Variants in ZNF267 observed in about 807,000 individuals in gnomAD.
ZNF267 encodes the protein zinc finger protein 267.
A neutral mutation model predicts 71.6 loss-of-function variants in ZNF267; 61 were observed. The observed-to-expected ratio is 0.85, with a 90% CI of 0.69 to 1.05. ZNF267 has a LOEUF of 1.05. ZNF267 is among the 50% of genes least tolerant of loss of function. The pLI is 0.00. For missense variants in ZNF267, 852 were observed against 870.0 expected (o/e 0.98, Z 0.26); for synonymous variants, 288 against 293.2 (o/e 0.98, Z 0.18).
intron 3 of ZNF267, chr16:31,894,578 C>A: frequency 2.0e-6 from 1 of 494,556 alleles, no homozygotes; most frequent in Non-Finnish European, 4.0e-6. Context: ...ACCTTTTCAT[C>A]CAGAGCTTTG....
At chr16:31,881,237 G>A (rs769861096) in intron 1 of ZNF267, among the ~76,000 whole-genome samples, 1 of 152,174 alleles carries the variant, frequency 6.6e-6, no homozygotes, top group Non-Finnish European at 1.5e-5. Flanking sequence ...TCAAGTTCTT[G>A]TTGGTCAGGC....
intron 3 of ZNF267, among the ~76,000 whole-genome samples, chr16:31,887,567 G>A (rs551794654): frequency 2.7e-4 from 41 of 152,154 alleles, no homozygotes; most frequent in Admixed American, 1.4e-3. Flanking sequence ...GTTAATTTTT[G>A]TACATAGTAT....
chr16:31,885,295 G>A, intron 3 of ZNF267, 39 bp downstream of exon 3: 1 of 1,559,414 alleles, frequency 6.4e-7, no homozygotes. Flanking sequence ...ATGGGCGAGA[G>A]GTCCAGAAGT....
At chr16:31,893,938 G>A (rs1042754859) in intron 3 of ZNF267, among the ~76,000 whole-genome samples, 1 of 152,212 alleles carries the variant, frequency 6.6e-6, no homozygotes, top group Non-Finnish European at 1.5e-5. Flanking sequence ...ACTTAGGTGG[G>A]TATAAGTTGT....
chr16:31,876,024 C>G (rs1213517023), intron 1 of ZNF267, among the ~76,000 whole-genome samples: 1 of 151,936 alleles, frequency 6.6e-6, no homozygotes, highest in Admixed American at 6.6e-5. Context: ...GAAATGCTGC[C>G]AGGGAAAAGA....
chr16:31,906,848 A>C (rs1206266318), intron 3 of ZNF267, among the ~76,000 whole-genome samples: 1 of 151,856 alleles, frequency 6.6e-6, no homozygotes, highest in Non-Finnish European at 1.5e-5. Flanking sequence ...AAATGCAGAA[A>C]TCACCCGTCT....
At chr16:31,905,324 T>C (rs2084079451) in intron 3 of ZNF267, among the ~76,000 whole-genome samples, 1 of 151,878 alleles carries the variant, frequency 6.6e-6, no homozygotes, top group Admixed American at 6.5e-5. Flanking sequence ...TGAATTTGAA[T>C]GTTTGCCTGC....
In ZNF267 at chr16:31,916,606, C is replaced by A; in HGVS notation, c.*125C>A. ...GGCATAACCTTTAACTATTTTCAAG[C>A]CTTACACAATAGCAGAGAATATAAA... On this transcript the variant is annotated 3_prime_UTR_variant, in exon 4 of 4. Coordinates refer to ENST00000300870, the MANE Select transcript of ZNF267 (RefSeq NM_003414.6). The A allele has an allele frequency of 1.0e-6, 1 of 963,120 alleles. No homozygotes were observed. Among genetic ancestry groups the A allele is most frequent in the Non-Finnish European group, 1.5e-6 (1 of 665,520 alleles). The allele number at this position is 963,120 out of a possible 1,614,324, so 59.7% of individuals were successfully genotyped here.
chr16:31,875,445 C>T (rs1163176363), intron 1 of ZNF267: 2 of 684,280 alleles, frequency 2.9e-6, no homozygotes, highest in Admixed American at 3.9e-5. Flanking sequence ...CCCTTGGAGA[C>T]ACATTGCTGG....
In ZNF267 at chr16:31,914,688, T is replaced by G; in HGVS notation, c.439T>G (p.Leu147Val). 6.2e-7 allele frequency: 1 copy of G among 1,614,176 alleles called. No individual in the cohort carries two copies. The highest frequency in any genetic ancestry group is 8.5e-7 in the Non-Finnish European group (1 of 1,180,010). The change falls in exon 4 of 4, where the codon TTG (leucine) becomes GTG (valine). Residue 147 changes from leucine (L) to valine (V), a missense_variant. Leu to Val is a conservative substitution (Grantham distance 32). Transcript: ENST00000300870. The part of the protein sequence containing the change: ...DQFDESSVES[L>V]FHQQILSSCA... ...ATTTGATGAATCCTCTGTTGAAAGT[T>G]TGTTTCACCAGCAAATACTTTCTTC...
At chr16:31,905,410 C>G (rs751364330) in intron 3 of ZNF267, among the ~76,000 whole-genome samples, 13 of 152,186 alleles carry the variant, frequency 8.5e-5, no homozygotes, top group Non-Finnish European at 1.6e-4. Context: ...CTCCTCGTCA[C>G]TTTCAGGTAC....
At chr16:31,911,607 C>T (rs1181053006) in intron 3 of ZNF267, among the ~76,000 whole-genome samples, 1 of 151,098 alleles carries the variant, frequency 6.6e-6, no homozygotes, top group African/African-American at 2.4e-5. Flanking sequence ...CTTCCTTTTT[C>T]TTTTTTTCAC....
intron 1 of ZNF267, among the ~76,000 whole-genome samples, chr16:31,880,454 A>T (rs1399191770): frequency 2.0e-5 from 3 of 152,210 alleles, no homozygotes; most frequent in African/African-American, 7.2e-5. Flanking sequence ...CTGATCAGGT[A>T]TAGGTAATAA....
At chr16:31,906,569 C>T (rs1567237471) in intron 3 of ZNF267, among the ~76,000 whole-genome samples, 1 of 152,314 alleles carries the variant, frequency 6.6e-6, no homozygotes, top group East Asian at 1.9e-4. Context: ...GTGTAGGAAC[C>T]TCCGAGCCAG....
At position 31,873,922 on chromosome 16, in the gene ZNF267, G is replaced by C. The variant is rs2083832380; in HGVS notation, c.-45G>C. On this transcript the variant is annotated 5_prime_UTR_variant, in exon 1 of 4. Transcript: ENST00000300870. ...TGTTGCTCTGCGACTTGCAGGCACTGGGAGATTCGTAGCTAAGACGCCAGG... is the reference window on the plus strand; with the variant it reads ...TGTTGCTCTGCGACTTGCAGGCACTCGGAGATTCGTAGCTAAGACGCCAGG... The C allele has an allele frequency of 6.2e-7, 1 of 1,613,516 alleles. No individual in the cohort carries two copies. Among genetic ancestry groups the C allele is most frequent in the African/African-American group, 1.3e-5 (1 of 74,880 alleles).
chr16:31,888,779 G>C (rs937680722), intron 3 of ZNF267, among the ~76,000 whole-genome samples: 3 of 151,772 alleles, frequency 2.0e-5, no homozygotes, highest in Non-Finnish European at 4.4e-5. Flanking sequence ...TTACTTTTTT[G>C]TAGTGTCCTT....
intron 3 of ZNF267, among the ~76,000 whole-genome samples, chr16:31,898,770 A>G (rs1400567898): frequency 2.0e-5 from 3 of 152,142 alleles, no homozygotes; most frequent in African/African-American, 7.2e-5. Context: ...TTGTGAATCC[A>G]TTAACACAGA....
intron 3 of ZNF267, chr16:31,894,909 TG>T (rs1409748459): frequency 1.3e-5 from 5 of 375,608 alleles, no homozygotes; most frequent in Admixed American, 9.9e-5. Context: ...TGATTTCCCC[TG>T]GGTTAGTGCC....
intron 1 of ZNF267, among the ~76,000 whole-genome samples, chr16:31,877,983 G>A (rs546887496): frequency 6.6e-6 from 1 of 152,314 alleles, no homozygotes; most frequent in Admixed American, 6.5e-5. Flanking sequence ...TTTACAGGCA[G>A]TAGCTTGGAA....
Sources: allele counts gnomAD v4.1 joint callset (sites outside exome capture counted in the v4.1 genomes callset), GRCh38; gene constraint gnomAD v4.1.1; transcripts MANE v1.5; gene names NCBI Gene and HGNC (gene_info 2026-07-23, HGNC 2026-07-21).